TRIM66: variants seen among roughly 807,000 people sequenced by gnomAD.
TRIM66 encodes tripartite motif-containing protein 66.
Under a neutral mutation model 148.2 loss-of-function variants are expected in TRIM66, and 99 were observed. That is an observed-to-expected ratio of 0.67 (90% CI 0.57 to 0.79). The LOEUF (loss-of-function observed/expected upper bound fraction) is 0.79. TRIM66 is among the 30% of genes least tolerant of loss of function. The pLI, the probability that TRIM66 is intolerant of heterozygous loss-of-function variation, is 0.00. For missense variants in TRIM66, 1,666 were observed against 1,697.9 expected (o/e 0.98, Z 0.33); for synonymous variants, 616 against 635.9 (o/e 0.97, Z 0.47).
In TRIM66 at chr11:8,640,503, G is replaced by A; in HGVS notation, c.1872C>T (p.His624=). 6.5e-7 allele frequency: 1 copy of A among 1,545,568 alleles called. No individual in the cohort carries two copies. The highest frequency in any genetic ancestry group is 8.7e-7 in the Non-Finnish European group (1 of 1,145,896). ...PPLPPPPQQP[H]PPLPPSQHLA... is the part of the protein sequence containing the mutation. ...GATGCTGGGATGGAGGAAGAGGTGGGTGTGGCTGCTGTGGGGGAGGGGGAA... is the reference window on the plus strand; with the variant it reads ...GATGCTGGGATGGAGGAAGAGGTGGATGTGGCTGCTGTGGGGGAGGGGGAA... Residue 624 remains histidine (H), a synonymous_variant, in exon 14 of 25, where the codon CAC becomes CAT. Coordinates refer to ENST00000646038, the MANE Select transcript of TRIM66 (RefSeq NM_001388022.1).
Position 8,664,063 on chromosome 11 carries a change from T to C in TRIM66, c.340+7723A>G, listed in dbSNP as rs2038431646. On this transcript the variant is annotated intron_variant, in intron 6 of 24. Coordinates refer to ENST00000646038, the MANE Select transcript of TRIM66 (RefSeq NM_001388022.1). The stretch of plus-strand genomic sequence containing the variant: ...AGGAGTCAGTTCAAGAGATCCATTG[T>C]ACAGCATGATAAGTATGGTTAATAA... 2.0e-5 allele frequency among the ~76,000 whole-genome samples: 3 copies of C among 152,188 alleles called. No homozygotes were observed. The South Asian group carries it at 6.2e-4, about 32-fold the overall frequency.
chr11:8,665,984 T>C (rs2038564197), intron 6 of TRIM66, among the ~76,000 whole-genome samples: 1 of 151,896 alleles, frequency 6.6e-6, no homozygotes, highest in East Asian at 1.9e-4. Context: ...TTCAACTTTT[T>C]ACCCATAAAC....
intron 20 of TRIM66, 107 bp from the exon 21 acceptor site, chr11:8,620,679 C>T (rs1370272071): frequency 9.0e-6 from 13 of 1,448,260 alleles, no homozygotes; most frequent in Non-Finnish European, 9.1e-7. Flanking sequence ...TCCGGCTTTG[C>T]CGTGTAAGAA....
chr11:8,615,032 A>C lies in TRIM66; in HGVS notation c.*2912T>G, dbSNP rs1285315788. The C allele has an allele frequency of 6.6e-6, 1 of 152,128 alleles. No homozygotes were observed. The highest frequency in any genetic ancestry group is 1.9e-4 in the East Asian group (1 of 5,174). 9.4% of individuals were successfully genotyped at this position (152,128 alleles called of 1,614,324 possible). On this transcript the variant is annotated 3_prime_UTR_variant, in exon 25 of 25. Coordinates refer to ENST00000646038, the MANE Select transcript of TRIM66 (RefSeq NM_001388022.1). Reference sequence around the variant, plus strand: ...CAACCTCCACCTCCCGGATTCAAGCAATTCTCCTGCCTCAGCCTCCCAAGT... The same window carrying C: ...CAACCTCCACCTCCCGGATTCAAGCCATTCTCCTGCCTCAGCCTCCCAAGT...
At chr11:8,628,282 A>G (rs1052982252) in intron 15 of TRIM66, among the ~76,000 whole-genome samples, 3 of 152,072 alleles carry the variant, frequency 2.0e-5, no homozygotes, top group East Asian at 3.9e-4. Flanking sequence ...ATATTTCATC[A>G]CTAAGTAGAT....
At chr11:8,680,322 A>G (rs1463444457) in intron 1 of TRIM66, among the ~76,000 whole-genome samples, 1 of 152,208 alleles carries the variant, frequency 6.6e-6, no homozygotes, top group Admixed American at 6.5e-5. Flanking sequence ...AATGAAAGTC[A>G]TGTTTTCGGA....
chr11:8,641,678 C>A (rs2036405467), intron 13 of TRIM66, among the ~76,000 whole-genome samples: 1 of 152,096 alleles, frequency 6.6e-6, no homozygotes, highest in African/African-American at 2.4e-5. Context: ...TGTCCCCGCC[C>A]AAATCTCATG....
chr11:8,647,089 CATATA>C lies in TRIM66; in HGVS notation c.843-533_843-529del, dbSNP rs1217444298. Among the ~76,000 whole-genome samples, 46 of 148,048 alleles carry C rather than the reference CATATA, an allele frequency of 3.1e-4. No homozygotes were observed. In the East Asian group the frequency reaches 7.8e-3, roughly 25 times the overall value. ...ATATAATTATATAATAAACAATAAA[CATATA>C]ATATAATGTTTATTATAAACATATA... is the stretch of plus-strand genomic sequence containing the variant. On this transcript the variant is annotated intron_variant, in intron 10 of 24. Transcript: ENST00000646038.
chr11:8,628,636 A>AAAAAAAAGAGAGAG lies in TRIM66; in HGVS notation c.2311-3409_2311-3408insCTCTCTCTTTTTTT, dbSNP rs1555042270. ...TCAAAAAAAAAAAAAAAAAAAAAAAAAGAGAGAGAATCCAGATCTTTGGTA... is the reference window on the plus strand; with the variant it reads ...TCAAAAAAAAAAAAAAAAAAAAAAAAAAAAAAAGAGAGAGAGAGAGAGAATCCAGATCTTTGGTA... On this transcript the variant is annotated intron_variant, in intron 15 of 24. Transcript: ENST00000646038. Among the ~76,000 whole-genome samples the AAAAAAAAGAGAGAG allele has an allele frequency of 6.2e-4, 58 of 93,374 alleles. 1 individual carries two copies. The highest frequency in any genetic ancestry group is 1.1e-3 in the Non-Finnish European group (48 of 42,970). The allele number at this position is 93,374 out of a possible 152,430, so 61.3% of individuals were successfully genotyped here.
chr11:8,630,707 C>G (rs1354799626), intron 15 of TRIM66, among the ~76,000 whole-genome samples: 1 of 152,134 alleles, frequency 6.6e-6, no homozygotes, highest in African/African-American at 2.4e-5. Flanking sequence ...GTCCCTGTCC[C>G]TTTCCTCTTG....
At chr11:8,627,382 A>G (rs2034955711) in intron 15 of TRIM66, among the ~76,000 whole-genome samples, 1 of 152,236 alleles carries the variant, frequency 6.6e-6, no homozygotes, top group Non-Finnish European at 1.5e-5. Context: ...TTATACAGCT[A>G]AAGTTTATTG....
At chr11:8,671,685 T>C in intron 6 of TRIM66, 101 bp downstream of exon 6, 1 of 648,756 alleles carries the variant, frequency 1.5e-6, no homozygotes, top group African/African-American at 1.8e-5. Flanking sequence ...CCCTTGGGCA[T>C]TTAAATTCTG....
chr11:8,649,081 G>A lies in TRIM66; in HGVS notation c.593-533C>T, dbSNP rs570660865. On this transcript the variant is annotated intron_variant, in intron 8 of 24. Transcript: ENST00000646038. ...TGGCTGGGCGCAGTGGCTCACGCCT[G>A]TAATCGCAGCACTTTGGGAGGCCAA... Among the ~76,000 whole-genome samples, 11 of 152,370 alleles carry A rather than the reference G, an allele frequency of 7.2e-5. No homozygotes were observed. In the South Asian group the frequency reaches 2.3e-3, roughly 32 times the overall value.
rs981245926 is a variant in TRIM66 at position 8,621,281 on chromosome 11, C to G, written c.3296G>C (p.Gly1099Ala). The G allele has an allele frequency of 6.4e-7, 1 of 1,551,684 alleles. No homozygotes were observed. Among genetic ancestry groups the G allele is most frequent in the Non-Finnish European group, 8.7e-7 (1 of 1,146,998 alleles). The change falls in exon 20 of 25, where the codon GGT (glycine) becomes GCT (alanine). Residue 1099 changes from glycine (G) to alanine (A), a missense_variant. By Grantham distance (60) the Gly-to-Ala change is moderately conservative. Transcript: ENST00000646038. Reference sequence around the variant, plus strand: ...GACAGTGACCTTTCTTCCCTCCAGACCTGGGGCCTGGGTGGCCTCAGACAG... The same window carrying G: ...GACAGTGACCTTTCTTCCCTCCAGAGCTGGGGCCTGGGTGGCCTCAGACAG... Reference protein sequence around the residue: ...DRLSEATQAPGLEGRKVTVTS... With the variant: ...DRLSEATQAPALEGRKVTVTS...
In TRIM66 at chr11:8,672,064, G is replaced by T. The variant is rs760048137; in HGVS notation, c.62C>A (p.Ser21Ter). The change falls in exon 6 of 25, where the codon TCA becomes TAA. Residue 21 changes from serine to a stop codon, truncating the protein, a stop_gained. Coordinates refer to ENST00000646038, the MANE Select transcript of TRIM66 (RefSeq NM_001388022.1). LOFTEE classifies it high-confidence loss of function. ...GGCTTTTCCACTGATATCCTCAGGTGAGAAGCAGCGTGTAGAGCGAGCCAG... is the reference window on the plus strand; with the variant it reads ...GGCTTTTCCACTGATATCCTCAGGTTAGAAGCAGCGTGTAGAGCGAGCCAG... ...VELARSTRCF[S>*]PEDISGKAPV... is the part of the protein sequence containing the mutation. 3 of 1,535,458 alleles carry T rather than the reference G, an allele frequency of 2.0e-6. No individual in the cohort carries two copies. In the South Asian group the frequency reaches 3.6e-5, roughly 18 times the overall value.
chr11:8,639,785 T>G (rs1366431504), intron 14 of TRIM66, among the ~76,000 whole-genome samples: 1 of 152,220 alleles, frequency 6.6e-6, no homozygotes, highest in Non-Finnish European at 1.5e-5. Flanking sequence ...CCTGCCAGCA[T>G]CTAACATGGA....
At chr11:8,645,531 T>A (rs912844281) in intron 12 of TRIM66, among the ~76,000 whole-genome samples, 1 of 152,246 alleles carries the variant, frequency 6.6e-6, no homozygotes, top group African/African-American at 2.4e-5. Context: ...TGTGTCCTCT[T>A]TGCACTATGG....
At chr11:8,633,202 A>G (rs1046692065) in intron 15 of TRIM66, among the ~76,000 whole-genome samples, 3 of 152,154 alleles carry the variant, frequency 2.0e-5, no homozygotes, top group African/African-American at 7.2e-5. Context: ...CATGCCTGTA[A>G]TCCCAGCTAC....
rs2033534962 is a variant in TRIM66 at position 8,613,606 on chromosome 11, G to A, written c.*4338C>T. On this transcript the variant is annotated 3_prime_UTR_variant, in exon 25 of 25. Transcript: ENST00000646038. ...TGTGGAGAACTTGTTTGCAGGCTGT[G>A]TGGAGGTAACCAGTGGAGACAGAGG... 6.6e-6 allele frequency: 1 copy of A among 152,394 alleles called. No individual in the cohort carries two copies. Among genetic ancestry groups the A allele is most frequent in the Admixed American group, 6.5e-5 (1 of 15,278 alleles). The allele number at this position is 152,394 out of a possible 1,614,324, so 9.4% of individuals were successfully genotyped here. A position where few individuals can be genotyped will look rare whatever the true frequency, so the allele number is the denominator to read the frequency against.
Sources: gnomAD v4.1 joint callset for allele counts (sites outside exome capture counted in the v4.1 genomes callset) on GRCh38, gnomAD v4.1.1 for gene constraint, MANE v1.5 for transcripts, NCBI Gene and HGNC (gene_info 2026-07-23, HGNC 2026-07-21) for gene names.